Variants in HIF3A observed in about 807,000 individuals in gnomAD.
The protein encoded by HIF3A is hypoxia-inducible factor 3-alpha.
In HIF3A, 41 loss-of-function variants were observed where a neutral mutation model predicts 67.2. The ratio of observed to expected loss-of-function variants is 0.61; its 90% confidence interval spans 0.48 to 0.79. HIF3A has a LOEUF of 0.79. HIF3A is among the 30% of genes least tolerant of loss of function. The pLI, the probability that HIF3A is intolerant of heterozygous loss-of-function variation, is 0.00. For missense variants in HIF3A, 855 were observed against 898.0 expected (o/e 0.95, Z 0.61); for synonymous variants, 356 against 374.8 (o/e 0.95, Z 0.58).
At chr19:46,302,213 T>C (rs535002316) in intron 1 of HIF3A, among the ~76,000 whole-genome samples, 1 of 152,226 alleles carries the variant, frequency 6.6e-6, no homozygotes, top group Admixed American at 6.5e-5. Context: ...CACTGCAACC[T>C]CCACCTCCCA....
rs145392426 is a variant in HIF3A, at chr19:46,339,050, T to C, written c.1913-475T>C. 6.3e-3 allele frequency among the ~76,000 whole-genome samples: 964 copies of C among 152,292 alleles called. 10 individuals are homozygous for C. Among genetic ancestry groups the C allele is most frequent in the African/African-American group, 0.022 (925 of 41,564 alleles). ...TTCCCTTCTTCTCCTCTTTTCCTTT[T>C]TGCCTTTGTTAAATGCCCAGACACG... is the stretch of plus-strand genomic sequence containing the variant. On this transcript the variant is annotated intron_variant, in intron 14 of 14. Coordinates refer to ENST00000377670, the MANE Select transcript of HIF3A (RefSeq NM_152795.4).
In HIF3A at chr19:46,329,368, C is replaced by G. The variant is rs749518429; in HGVS notation, c.1602C>G (p.Ala534=). 1.2e-6 allele frequency: 2 copies of G among 1,612,542 alleles called. No homozygotes were observed. Among genetic ancestry groups the G allele is most frequent in the Non-Finnish European group, 1.7e-6 (2 of 1,179,568 alleles). The change falls in exon 12 of 15, where the codon GCC becomes GCG. Residue 534 remains alanine, a synonymous_variant. Coordinates refer to ENST00000377670, the MANE Select transcript of HIF3A (RefSeq NM_152795.4). ...GCTTCCATGGCCTGTCACCTCCAGC[C>G]CTTGAGCCCTCCCTGCTACCCCGCT... ...ARSFHGLSPP[A]LEPSLLPRWG...
At position 46,309,216 on chromosome 19, in the gene HIF3A, C is replaced by A. The variant is rs1969202611; in HGVS notation, c.627C>A (p.Ser209Arg). ...CTGCGCAGACTTCTCCAGCTGGGAG[C>A]CCTGACTCAGAGCCCCCGCTGCAGT... ...KPPAQTSPAG[S>R]PDSEPPLQCL... Residue 209 changes from serine to arginine, a missense_variant, in exon 6 of 15, where the codon AGC becomes AGA. Physicochemically the swap from Ser to Arg is moderately radical, Grantham distance 110. Coordinates refer to ENST00000377670, the MANE Select transcript of HIF3A (RefSeq NM_152795.4). The A allele has an allele frequency of 6.2e-7, 1 of 1,614,004 alleles. No homozygotes were observed. Among genetic ancestry groups the A allele is most frequent in the African/African-American group, 1.3e-5 (1 of 74,926 alleles).
chr19:46,299,823 G>A (rs1370113881), intron 1 of HIF3A, among the ~76,000 whole-genome samples: 1 of 152,110 alleles, frequency 6.6e-6, no homozygotes, highest in Non-Finnish European at 1.5e-5. Context: ...GACGGTGGGG[G>A]GCGGGACACC....
intron 6 of HIF3A, among the ~76,000 whole-genome samples, chr19:46,311,015 T>A (rs1969381825): frequency 6.6e-6 from 1 of 152,204 alleles, no homozygotes; most frequent in Non-Finnish European, 1.5e-5. Context: ...CCTCCCAAAG[T>A]GCTGGGATTA....
chr19:46,298,207 C>CCCCCCCCTCCTCTCCCCCT, intron 1 of HIF3A: 1 of 313,292 alleles, frequency 3.2e-6, no homozygotes, highest in Non-Finnish European at 6.4e-6. Context: ...TGTTTCTAAC[C>CCCCCCCCTCCTCTCCCCCT]GCCCCCATCC....
chr19:46,303,644 G>T, intron 1 of HIF3A: 1 of 1,583,930 alleles, frequency 6.3e-7, no homozygotes, highest in South Asian at 1.2e-5. Flanking sequence ...GCGCCACAGA[G>T]AGGAGCGAGG....
chr19:46,321,453 G>A (rs1282568134), intron 9 of HIF3A, among the ~76,000 whole-genome samples: 2 of 152,072 alleles, frequency 1.3e-5, no homozygotes, highest in African/African-American at 2.4e-5. Context: ...GTGTGATGGC[G>A]GGCACCTGTA....
intron 6 of HIF3A, chr19:46,310,487 T>G: frequency 2.6e-6 from 1 of 377,506 alleles, no homozygotes; most frequent in Non-Finnish European, 5.4e-6. Context: ...CCTCTCTTCC[T>G]TCTGTCCTTC....
rs117250136 is a variant in HIF3A at position 46,343,398 on chromosome 19, A to G, written c.*3776A>G. On this transcript the variant is annotated 3_prime_UTR_variant, in exon 15 of 15. Transcript: ENST00000377670. ...CTGGCTCTGAAACTCACCAATCTCT[A>G]TACACCATAAAGACCTCACCTTGGT... 3.1e-3 allele frequency: 475 copies of G among 152,438 alleles called. 13 individuals carry two copies. The East Asian group carries it at 0.081, about 26-fold the overall frequency. 9.4% of individuals were successfully genotyped at this position (152,438 alleles called of 1,614,324 possible).
Position 46,312,613 on chromosome 19 carries a change from C to G in HIF3A, c.985C>G (p.Pro329Ala). 4.4e-6 allele frequency: 7 copies of G among 1,591,576 alleles called. No homozygotes were observed. Among genetic ancestry groups the G allele is most frequent in the Non-Finnish European group, 6.0e-6 (7 of 1,168,620 alleles). The change falls in exon 8 of 15, where the codon CCC becomes GCC. Residue 329 changes from proline (P) to alanine (A), a missense_variant. Physicochemically the swap from Pro to Ala is conservative, Grantham distance 27. This residue lies in a region of HIF3A where 638 missense variants were observed against 660.5 expected (regional missense o/e 0.97). Coordinates refer to ENST00000377670, the MANE Select transcript of HIF3A (RefSeq NM_152795.4). ...QATVVSGGRG[P>A]QSESIVCVHF... ...CACAGTGGTGTCAGGGGGACGGGGC[C>G]CCCAGTCGGAGAGTATCGTCTGTGT... is the stretch of plus-strand genomic sequence containing the variant.
Position 46,340,929 on chromosome 19 carries a change from T to A in HIF3A, c.*1307T>A, listed in dbSNP as rs1971913050. On this transcript the variant is annotated 3_prime_UTR_variant, in exon 15 of 15. Transcript: ENST00000377670. The stretch of plus-strand genomic sequence containing the variant: ...ACGATCCCCAAAAATTGTCTGGTTC[T>A]GGGCCTCTAACTCCCTCTGGCTCTA... The A allele has an allele frequency of 6.6e-6, 1 of 152,310 alleles. No individual in the cohort carries two copies. The highest frequency in any genetic ancestry group is 1.5e-5 in the Non-Finnish European group (1 of 68,114). The allele number at this position is 152,310 out of a possible 1,614,324, so 9.4% of individuals were successfully genotyped here. A position where few individuals can be genotyped will look rare whatever the true frequency, so the allele number is the denominator to read the frequency against.
At chr19:46,317,277 A>G (rs1969992749) in intron 8 of HIF3A, among the ~76,000 whole-genome samples, 1 of 151,828 alleles carries the variant, frequency 6.6e-6, no homozygotes, top group East Asian at 1.9e-4. Flanking sequence ...CTGGTCTCAA[A>G]CTCTTGGGCT....
chr19:46,304,203 T>G, intron 2 of HIF3A, 115 bp downstream of exon 2: 1 of 865,230 alleles, frequency 1.2e-6, no homozygotes. Context: ...CCCCGCCCCC[T>G]GGTGTCGTTT....
intron 1 of HIF3A, among the ~76,000 whole-genome samples, chr19:46,300,863 C>T (rs895181121): frequency 1.3e-4 from 20 of 152,212 alleles, no homozygotes; most frequent in South Asian, 6.2e-4. Flanking sequence ...AGGGTCCCTC[C>T]GCAGCCACCA....
At chr19:46,308,847 T>G in intron 5 of HIF3A, 72 bp downstream of exon 5, 10 of 1,068,910 alleles carry the variant, frequency 9.4e-6, no homozygotes, top group Non-Finnish European at 1.4e-5. Context: ...TCTTGAAGGG[T>G]GCTGGAGTCC....
intron 9 of HIF3A, among the ~76,000 whole-genome samples, chr19:46,321,108 G>A (rs1970326699): frequency 6.6e-6 from 1 of 152,032 alleles, no homozygotes; most frequent in African/African-American, 2.4e-5. Flanking sequence ...TCCTTTTCTG[G>A]CTCAGAGCTG....
At position 46,339,733 on chromosome 19, in the gene HIF3A, C is replaced by T. The variant is rs1352365686; in HGVS notation, c.*111C>T. 1.6e-6 allele frequency: 1 copy of T among 642,598 alleles called. No homozygotes were observed. Among genetic ancestry groups the T allele is most frequent in the Non-Finnish European group, 2.6e-6 (1 of 390,598 alleles). The allele number at this position is 642,598 out of a possible 1,614,324, so 39.8% of individuals were successfully genotyped here. ...GGCGCCAGGAGAGGGGCCCCTCTCT[C>T]CTCTATGTACCCCCTGCCCACCTCG... is the stretch of plus-strand genomic sequence containing the variant. On this transcript the variant is annotated 3_prime_UTR_variant, in exon 15 of 15. Coordinates refer to ENST00000377670, the MANE Select transcript of HIF3A (RefSeq NM_152795.4).
chr19:46,326,305 A>G lies in HIF3A; in HGVS notation c.1440+666A>G, dbSNP rs184437526. Among the ~76,000 whole-genome samples, 265 of 152,318 alleles carry G rather than the reference A, an allele frequency of 1.7e-3. 1 individual carries two copies. The highest frequency in any genetic ancestry group is 5.7e-3 in the African/African-American group (235 of 41,588). The stretch of plus-strand genomic sequence containing the variant: ...TAAGGCAAACAATCCAACAAAGAGA[A>G]AAAGGGACAAATGGAGAAGTAGAGA... On this transcript the variant is annotated intron_variant, in intron 11 of 14. Coordinates refer to ENST00000377670, the MANE Select transcript of HIF3A (RefSeq NM_152795.4).
Sources: gnomAD v4.1 joint callset for allele counts (sites outside exome capture counted in the v4.1 genomes callset) on GRCh38, gnomAD v4.1.1 for gene constraint, gnomAD v4.1.1 regional missense constraint, MANE v1.5 for transcripts, NCBI Gene and HGNC (gene_info 2026-07-23, HGNC 2026-07-21) for gene names.